The following ATAD3C variants were observed in gnomAD, a reference collection of about 807,000 sequenced individuals.
ATAD3C encodes the protein ATPase family AAA domain-containing protein 3C.
A neutral mutation model predicts 46.3 loss-of-function variants in ATAD3C; 38 were observed. The ratio of observed to expected loss-of-function variants is 0.82; its 90% CI spans 0.63 to 1.08. ATAD3C has a LOEUF of 1.08. Among genes scored for constraint, ATAD3C ranks in the 50% least tolerant of loss-of-function variants. The probability of loss-of-function intolerance (pLI) is 0.00; values close to 1 mark genes in which losing one functional copy is unlikely to be tolerated. For synonymous variants in ATAD3C, 220 were observed against 236.4 expected (o/e 0.93, Z 0.63); for missense variants, 563 against 572.7 (o/e 0.98, Z 0.17).
intron 11 of ATAD3C, among the ~76,000 whole-genome samples, chr1:1,467,753 T>G (rs1357351788): frequency 6.6e-6 from 1 of 152,018 alleles, no homozygotes; most frequent in East Asian, 1.9e-4. Flanking sequence ...GTGCCTCCCC[T>G]TGGGGACTCC....
Position 1,462,833 on chromosome 1 carries a change from C to A in ATAD3C, c.1089+125C>A. On this transcript the variant is annotated intron_variant, in intron 11 of 11. Coordinates refer to ENST00000378785, the MANE Select transcript of ATAD3C (RefSeq NM_001039211.3). This position sits in a 1 kb window ranked among gnomAD's most constrained non-coding sequence, Gnocchi z 4.5. ...CTTCTGTTGAGGGGTTTTCAGTGCACAGATGTGACACGGGGCCCCTGCCCC... is the reference window on the plus strand; with the variant it reads ...CTTCTGTTGAGGGGTTTTCAGTGCAAAGATGTGACACGGGGCCCCTGCCCC... The A allele has an allele frequency of 1.6e-6, 2 of 1,231,974 alleles. No homozygotes were observed. The highest frequency in any genetic ancestry group is 2.2e-6 in the Non-Finnish European group (2 of 890,694). The allele number at this position is 1,231,974 out of a possible 1,614,324, so 76.3% of individuals were successfully genotyped here. A position where few individuals can be genotyped will look rare whatever the true frequency, so the allele number is the denominator to read the frequency against.
intron 5 of ATAD3C, 76 bp downstream of exon 5, chr1:1,455,595 G>A (rs1638945748): frequency 6.2e-7 from 1 of 1,604,134 alleles, no homozygotes; most frequent in African/African-American, 1.3e-5. Context: ...GCCCTTGCTG[G>A]CGCTCCTGGT....
At position 1,452,851 on chromosome 1, in the gene ATAD3C, C is replaced by T. The variant is rs538302233; in HGVS notation, c.222+417C>T. Among the ~76,000 whole-genome samples the T allele has an allele frequency of 1.3e-4, 19 of 151,736 alleles. 1 individual carries two copies. Among genetic ancestry groups the T allele is most frequent in the Non-Finnish European group, 2.4e-4 (16 of 67,916 alleles). The stretch of plus-strand genomic sequence containing the variant: ...AAGAAAAAACAGAAGGCGACCCTGA[C>T]TCCATTTTGCAAAAACCCTCTTTAT... On this transcript the variant is annotated intron_variant, in intron 3 of 11. Coordinates refer to ENST00000378785, the MANE Select transcript of ATAD3C (RefSeq NM_001039211.3).
chr1:1,454,848 T>C (rs1623400), intron 4 of ATAD3C, among the ~76,000 whole-genome samples: 46,697 of 151,516 alleles, frequency 0.31, 8,970 homozygotes, highest in East Asian at 0.52. Flanking sequence ...CCGCGCCGTT[T>C]GCCAGCCCCC....
chr1:1,462,499 C>T lies in ATAD3C; in HGVS notation c.981-101C>T. On this transcript the variant is annotated intron_variant, in intron 10 of 11. Transcript: ENST00000378785. This position sits in a 1 kb window ranked among gnomAD's most constrained non-coding sequence, Gnocchi z 4.5. Reference sequence around the variant, plus strand: ...AGGTAGAGAGTCCCTCTCAAGGGGGCATCTGGCATGGGTGTCCGCCTGGCT... The same window carrying T: ...AGGTAGAGAGTCCCTCTCAAGGGGGTATCTGGCATGGGTGTCCGCCTGGCT... 8.3e-7 allele frequency: 1 copy of T among 1,198,352 alleles called. No individual in the cohort carries two copies. Among genetic ancestry groups the T allele is most frequent in the East Asian group, 2.6e-5 (1 of 38,212 alleles). 74.2% of individuals were successfully genotyped at this position (1,198,352 alleles called of 1,614,324 possible).
intron 11 of ATAD3C, among the ~76,000 whole-genome samples, chr1:1,467,496 C>T (rs1445022225): frequency 1.3e-5 from 2 of 152,022 alleles, no homozygotes; most frequent in Non-Finnish European, 2.9e-5. Context: ...GCAGAGGGGA[C>T]GGGCACCACG....
intron 1 of ATAD3C, among the ~76,000 whole-genome samples, chr1:1,451,605 C>T (rs1268963864): frequency 6.6e-6 from 1 of 152,094 alleles, no homozygotes; most frequent in African/African-American, 2.4e-5. Flanking sequence ...GTCGGCCTCC[C>T]AAAGTGCTGG....
chr1:1,466,123 T>C (rs28888761), intron 11 of ATAD3C, among the ~76,000 whole-genome samples: 3,514 of 150,888 alleles, frequency 0.023, 165 homozygotes, highest in African/African-American at 0.081. Flanking sequence ...ATACCCATAA[T>C]CCCAGCTACT....
intron 5 of ATAD3C, 43 bp downstream of exon 5, chr1:1,455,562 C>T (rs770541697): frequency 1.2e-6 from 2 of 1,611,302 alleles, no homozygotes; most frequent in Non-Finnish European, 1.7e-6. Flanking sequence ...AGGGAGGGGA[C>T]CCCGGAGCTG....
chr1:1,468,348 A>G, intron 11 of ATAD3C, 36 bp from the exon 12 acceptor site: 2 of 1,576,546 alleles, frequency 1.3e-6, no homozygotes, highest in South Asian at 1.1e-5. Flanking sequence ...GGGGGTTCCC[A>G]TGGCGGCCTC....
At chr1:1,466,834 T>C (rs1411869692) in intron 11 of ATAD3C, among the ~76,000 whole-genome samples, 1 of 151,952 alleles carries the variant, frequency 6.6e-6, no homozygotes, top group African/African-American at 2.4e-5. Context: ...GTCATTTTTC[T>C]TGTGGTGTCT....
Position 1,465,199 on chromosome 1 carries a change from G to A in ATAD3C, c.1089+2491G>A, listed in dbSNP as rs538859472. Among the ~76,000 whole-genome samples the A allele has an allele frequency of 2.0e-5, 3 of 151,820 alleles. No homozygotes were observed. In the South Asian group the frequency reaches 6.3e-4, roughly 32 times the overall value. ...CCACGGAGCCCGGTCAGTTTTCACTGTGCAAGTCTTTCACCTTCTCGGTCA... is the reference window on the plus strand; with the variant it reads ...CCACGGAGCCCGGTCAGTTTTCACTATGCAAGTCTTTCACCTTCTCGGTCA... On this transcript the variant is annotated intron_variant, in intron 11 of 11. Transcript: ENST00000378785.
chr1:1,460,378 G>T (rs1270199248), intron 9 of ATAD3C, among the ~76,000 whole-genome samples: 1 of 152,030 alleles, frequency 6.6e-6, no homozygotes, highest in Non-Finnish European at 1.5e-5. Flanking sequence ...ACTGCGTCTG[G>T]CCAGCGTGGC....
At chr1:1,450,982 C>T (rs554071274) in intron 1 of ATAD3C, among the ~76,000 whole-genome samples, 36 of 151,942 alleles carry the variant, frequency 2.4e-4, no homozygotes, top group African/African-American at 8.4e-4. Context: ...GTGAGGGCGT[C>T]TGGTCGTCCT....
At chr1:1,455,196 G>A (rs193276372) in intron 4 of ATAD3C, among the ~76,000 whole-genome samples, 96 of 127,138 alleles carry the variant, frequency 7.6e-4, no homozygotes, top group African/African-American at 2.7e-3. Context: ...CAGCCTGGGC[G>A]ACAGAGTGAG....
At chr1:1,451,360 A>G (rs1170449368) in intron 1 of ATAD3C, among the ~76,000 whole-genome samples, 3 of 142,332 alleles carry the variant, frequency 2.1e-5, no homozygotes, top group Non-Finnish European at 4.6e-5. Context: ...AATTTTATTT[A>G]TTTTGAAACG....
At position 1,454,236 on chromosome 1, in the gene ATAD3C, T is replaced by G. The variant is rs560884016; in HGVS notation, c.223-109T>G. 1,224 of 1,470,476 alleles carry G rather than the reference T, an allele frequency of 8.3e-4. 11 individuals carry two copies. Among genetic ancestry groups the G allele is most frequent in the Non-Finnish European group, 1.1e-3 (1,179 of 1,102,376 alleles). 91.1% of individuals were successfully genotyped at this position (1,470,476 alleles called of 1,614,324 possible). A position where few individuals can be genotyped will look rare whatever the true frequency, so the allele number is the denominator to read the frequency against. The stretch of plus-strand genomic sequence containing the variant: ...TTCCTGTGGGGCCAGCACACGGCCC[T>G]GTGCTTCTCCCTCAGGCGGAGAGAG... On this transcript the variant is annotated intron_variant, in intron 3 of 11. Transcript: ENST00000378785.
chr1:1,459,048 A>G lies in ATAD3C; in HGVS notation c.742-113A>G. The G allele has an allele frequency of 1.3e-6, 2 of 1,561,918 alleles. No individual in the cohort carries two copies. Among genetic ancestry groups the G allele is most frequent in the Non-Finnish European group, 1.7e-6 (2 of 1,153,528 alleles). On this transcript the variant is annotated intron_variant, in intron 8 of 11. Transcript: ENST00000378785. This position sits in a 1 kb window ranked among gnomAD's most constrained non-coding sequence, Gnocchi z 4.9. The stretch of plus-strand genomic sequence containing the variant: ...TCAGGCTTTTGAGTCTAGATCCGTG[A>G]AAGTGTCGCCATGTCCCTGCTCCCT...
chr1:1,466,477 C>T (rs1160434894), intron 11 of ATAD3C, among the ~76,000 whole-genome samples: 6 of 138,092 alleles, frequency 4.3e-5, no homozygotes, highest in Non-Finnish European at 6.0e-5. Context: ...GGCGTGAACC[C>T]GGGAGGTGGA....
Sources: allele counts gnomAD v4.1 joint callset (sites outside exome capture counted in the v4.1 genomes callset), GRCh38; gene constraint gnomAD v4.1.1; non-coding constraint Gnocchi (gnomAD v3.1); transcripts MANE v1.5; gene names NCBI Gene and HGNC (gene_info 2026-07-23, HGNC 2026-07-21).